Variants in KHDRBS1 observed in about 807,000 individuals in gnomAD.
KHDRBS1 encodes KH RNA binding domain containing, signal transduction associated 1.
In KHDRBS1, 7 loss-of-function variants were observed where a neutral mutation model predicts 48.4. That is an observed-to-expected ratio of 0.14 (90% confidence interval 0.08 to 0.27). The LOEUF (loss-of-function observed/expected upper bound fraction) is 0.27. KHDRBS1 is among the 10% of genes least tolerant of loss of function. KHDRBS1 has a pLI of 1.00. For synonymous variants in KHDRBS1, 241 were observed against 235.8 expected, an observed-to-expected ratio of 1.02 and a Z score of -0.20; for missense variants, 458 against 601.2, an observed-to-expected ratio of 0.76 and a Z score of 2.49.
At position 32,014,268 on chromosome 1, in the gene KHDRBS1, C is replaced by G; in HGVS notation, c.273C>G (p.Ala91=). 6.5e-7 allele frequency: 1 copy of G among 1,546,108 alleles called. No homozygotes were observed. Among genetic ancestry groups the G allele is most frequent in the South Asian group, 1.2e-5 (1 of 83,060 alleles). Residue 91 remains alanine (A), a synonymous_variant, in exon 1 of 9, where the codon GCC becomes GCG. Coordinates refer to ENST00000327300, the MANE Select transcript of KHDRBS1 (RefSeq NM_006559.3). ...CGACCCCGCTGCTGCCCCCCTCGGC[C>G]ACAGCCTCGGTCAAGATGGAGCCAG... The part of the protein sequence containing the change: ...PAPTPLLPPS[A]TASVKMEPEN...
At chr1:32,059,698 T>G (rs1370325735) in intron 10 of KHDRBS1, among the ~76,000 whole-genome samples, 1 of 152,182 alleles carries the variant, frequency 6.6e-6, no homozygotes, top group Non-Finnish European at 1.5e-5. Context: ...CCATCGCCCC[T>G]TGAGCCTAAC....
At chr1:32,045,969 T>C (rs1639352043), downstream of KHDRBS1, among the ~76,000 whole-genome samples, 1 of 152,058 alleles carries the variant, frequency 6.6e-6, no homozygotes, top group Non-Finnish European at 1.5e-5. Flanking sequence ...AGGCAGTTGG[T>C]GAGTTGTTAG....
At chr1:32,026,008 G>A (rs1345968420) in intron 1 of KHDRBS1, among the ~76,000 whole-genome samples, 4 of 151,040 alleles carry the variant, frequency 2.6e-5, no homozygotes, top group Non-Finnish European at 4.4e-5. Flanking sequence ...CAAGCTCCTG[G>A]GCTCAAAGCA....
chr1:32,030,442 G>A lies in KHDRBS1; in HGVS notation c.507+20G>A. On this transcript the variant is annotated intron_variant, in intron 2 of 8. Coordinates refer to ENST00000327300, the MANE Select transcript of KHDRBS1 (RefSeq NM_006559.3). Reference sequence around the variant, plus strand: ...CCCAAGGTAAGGCAAAAAGTGCTTTGGATCTTTGAGTTATCTTTATAGTTA... The same window carrying A: ...CCCAAGGTAAGGCAAAAAGTGCTTTAGATCTTTGAGTTATCTTTATAGTTA... The A allele has an allele frequency of 6.3e-7, 1 of 1,587,440 alleles. No homozygotes were observed. Among genetic ancestry groups the A allele is most frequent in the Non-Finnish European group, 8.6e-7 (1 of 1,168,618 alleles).
chr1:32,031,260 A>C (rs1279604792), intron 2 of KHDRBS1, among the ~76,000 whole-genome samples: 1 of 152,166 alleles, frequency 6.6e-6, no homozygotes, highest in African/African-American at 2.4e-5. Flanking sequence ...ATAAAGTAAA[A>C]AATAAAATAG....
chr1:32,026,592 A>G (rs1353059114), intron 1 of KHDRBS1, among the ~76,000 whole-genome samples: 1 of 152,204 alleles, frequency 6.6e-6, no homozygotes, highest in African/African-American at 2.4e-5. Flanking sequence ...GAAAAAATGA[A>G]AGGCCTTAAA....
chr1:32,020,342 C>T (rs1638833691), intron 1 of KHDRBS1, among the ~76,000 whole-genome samples: 1 of 151,976 alleles, frequency 6.6e-6, no homozygotes, highest in Non-Finnish European at 1.5e-5. Context: ...GGAAGAATCG[C>T]TTGAACCCAG....
chr1:32,032,139 C>T (rs1639092454), intron 3 of KHDRBS1, among the ~76,000 whole-genome samples: 1 of 152,154 alleles, frequency 6.6e-6, no homozygotes, highest in East Asian at 1.9e-4. Context: ...CATGAGTAAT[C>T]CTGACTACAG....
rs1557894698 is a variant in KHDRBS1 at position 32,033,176 on chromosome 1, A to G, written c.625-12A>G. 2 of 1,611,758 alleles carry G rather than the reference A, an allele frequency of 1.2e-6. No homozygotes were observed. The highest frequency in any genetic ancestry group is 1.7e-5 in the Admixed American group (1 of 59,968). On this transcript the variant is annotated splice_polypyrimidine_tract_variant and intron_variant, in intron 3 of 8. Transcript: ENST00000327300. ...AGTCCATGGTGTGACATTTCTCTGC[A>G]TTTTTCCATAGGAGGAAGAGCTGCG...
chr1:32,025,284 G>A (rs1306923550), intron 1 of KHDRBS1, among the ~76,000 whole-genome samples: 2 of 142,786 alleles, frequency 1.4e-5, no homozygotes, highest in South Asian at 2.2e-4. Flanking sequence ...AAAAAAATTC[G>A]GCTCCTCCTT....
chr1:32,058,806 C>T (rs187722063), intron 10 of KHDRBS1, among the ~76,000 whole-genome samples: 1 of 151,696 alleles, frequency 6.6e-6, no homozygotes, highest in Non-Finnish European at 1.5e-5. Flanking sequence ...GTCTCAACAA[C>T]AACAAAAAAG....
At chr1:32,052,236 C>A (rs1408242346) in intron 10 of KHDRBS1, 2 of 152,068 alleles carry the variant, frequency 1.3e-5, no homozygotes, top group East Asian at 3.8e-4. Flanking sequence ...AAAGTCTATT[C>A]TCTGTGCTAA....
rs1639313528 is a variant in KHDRBS1 at position 32,043,194 on chromosome 1, A to G, written c.*570A>G. ...TAAAAAATGTTTCCTTTATAAAAGC[A>G]CATGGCGGTTGAATCTTAAGGTTAA... is the stretch of plus-strand genomic sequence containing the variant. On this transcript the variant is annotated 3_prime_UTR_variant, in exon 9 of 9. Transcript: ENST00000327300. The G allele has an allele frequency of 6.6e-6, 1 of 152,650 alleles. No homozygotes were observed. Among genetic ancestry groups the G allele is most frequent in the South Asian group, 2.1e-4 (1 of 4,838 alleles). The allele number at this position is 152,650 out of a possible 1,614,324, so 9.5% of individuals were successfully genotyped here.
At chr1:32,038,107 C>G (rs550258902) in intron 6 of KHDRBS1, 71 bp downstream of exon 6, 1 of 1,589,672 alleles carries the variant, frequency 6.3e-7, no homozygotes, top group African/African-American at 1.3e-5. Flanking sequence ...ATGACAGGGC[C>G]TCGGTCCTTT....
intron 1 of KHDRBS1, among the ~76,000 whole-genome samples, chr1:32,028,032 G>A (rs138202968): frequency 2.6e-5 from 4 of 152,306 alleles, no homozygotes; most frequent in African/African-American, 7.2e-5. Flanking sequence ...CAGGAGAATC[G>A]CTTGAACCCG....
chr1:32,055,706 C>A (rs1438290451), intron 10 of KHDRBS1, among the ~76,000 whole-genome samples: 1 of 152,124 alleles, frequency 6.6e-6, no homozygotes, highest in Non-Finnish European at 1.5e-5. Context: ...TCTGGCTCTT[C>A]AAGGCCCCTT....
downstream of KHDRBS1, among the ~76,000 whole-genome samples, chr1:32,046,446 C>G (rs1187911626): frequency 1.3e-5 from 2 of 152,164 alleles, no homozygotes; most frequent in African/African-American, 4.8e-5. Context: ...AACTCCTGAC[C>G]TCAGGTGATC....
At chr1:32,028,075 C>T (rs1019255066) in intron 1 of KHDRBS1, among the ~76,000 whole-genome samples, 2 of 152,182 alleles carry the variant, frequency 1.3e-5, no homozygotes, top group African/African-American at 4.8e-5. Context: ...AGAGATTGCA[C>T]CACTGCGCTC....
At chr1:32,034,980 CAA>C (rs1191929332) in intron 4 of KHDRBS1, among the ~76,000 whole-genome samples, 30 of 72,906 alleles carry the variant, frequency 4.1e-4, no homozygotes, top group East Asian at 3.9e-4. Context: ...GGCTCTGTCT[CAA>C]AAAAAAAAAA....
Sources: allele counts gnomAD v4.1 joint callset (sites outside exome capture counted in the v4.1 genomes callset), GRCh38; gene constraint gnomAD v4.1.1; transcripts MANE v1.5; gene names NCBI Gene and HGNC (gene_info 2026-07-23, HGNC 2026-07-21).